PHF19: variants seen among roughly 807,000 people sequenced by gnomAD.
The protein encoded by PHF19 is polycomb like 3.
In PHF19, 21 loss-of-function variants were observed where a neutral mutation model predicts 79.8. The observed-to-expected ratio is 0.26, with a 90% CI of 0.19 to 0.38. The LOEUF (loss-of-function observed/expected upper bound fraction) is 0.38, where lower values mean the gene tolerates loss of function less well. Ranked by LOEUF, PHF19 falls within the 10% of genes least tolerant of loss-of-function variation. The pLI is 1.00. For synonymous variants in PHF19, 273 were observed against 296.3 expected (o/e 0.92, Z 0.81); for missense variants, 445 against 744.2 (o/e 0.60, Z 4.68).
chr9:120,868,498 C>G (rs2045774104), intron 6 of PHF19: 1 of 152,498 alleles, frequency 6.6e-6, no homozygotes, highest in African/African-American at 2.4e-5. Context: ...AGAGCTAGGA[C>G]GTGGACGTCC....
upstream of PHF19, among the ~76,000 whole-genome samples, chr9:120,899,603 A>T (rs1056085939): frequency 6.6e-6 from 1 of 152,148 alleles, no homozygotes; most frequent in East Asian, 1.9e-4. Flanking sequence ...CAACATGGTG[A>T]AGTTAGAATT....
intron 1 of PHF19, chr9:120,894,728 GCC>G: frequency 1.1e-6 from 1 of 939,922 alleles, no homozygotes; most frequent in Non-Finnish European, 1.4e-6. Flanking sequence ...CCACCCGGCC[GCC>G]CGCGGCTCCC....
At chr9:120,890,287 T>G (rs2046324464) in intron 1 of PHF19, among the ~76,000 whole-genome samples, 1 of 151,636 alleles carries the variant, frequency 6.6e-6, no homozygotes, top group African/African-American at 2.4e-5. Flanking sequence ...TTTTTTTTTT[T>G]TTTTTTTTCC....
At chr9:120,861,775 G>A (rs2045534228) in intron 12 of PHF19, 143 bp downstream of exon 12, 1 of 715,334 alleles carries the variant, frequency 1.4e-6, no homozygotes, top group Non-Finnish European at 2.5e-6. Flanking sequence ...TAGAGTGCCT[G>A]GCTTAGCTGT....
chr9:120,866,250 C>T lies in PHF19; in HGVS notation c.711-154G>A, dbSNP rs1312855618. On this transcript the variant is annotated intron_variant, in intron 7 of 14. Coordinates refer to ENST00000373896, the MANE Select transcript of PHF19 (RefSeq NM_015651.3). This position sits in a 1 kb window ranked among gnomAD's most constrained non-coding sequence, Gnocchi z 5.2. The stretch of plus-strand genomic sequence containing the variant: ...ACTGGGGGTCAAGGACAGGGCAGGA[C>T]AGGGACTAAGAGATACCCCATATTC... 1.3e-5 allele frequency among the ~76,000 whole-genome samples: 2 copies of T among 152,144 alleles called. No homozygotes were observed. The highest frequency in any genetic ancestry group is 2.9e-5 in the Non-Finnish European group (2 of 68,018).
upstream of PHF19, among the ~76,000 whole-genome samples, chr9:120,877,586 A>T (rs1443295329): frequency 1.3e-5 from 2 of 152,108 alleles, no homozygotes; most frequent in East Asian, 3.9e-4. Flanking sequence ...CTTGTTGAGG[A>T]AACACAGCTC....
chr9:120,865,956 G>A, intron 8 of PHF19, 72 bp downstream of exon 8: 2 of 1,565,706 alleles, frequency 1.3e-6, no homozygotes, highest in Non-Finnish European at 1.8e-6. Context: ...AAATGGAATT[G>A]TTCCAGGAGG....
rs936899304 is a variant in PHF19 at position 120,869,583 on chromosome 9, T to C, written c.466-253A>G. The C allele has an allele frequency of 4.2e-5, 61 of 1,467,694 alleles. 1 individual carries two copies. The South Asian group carries it at 8.3e-4, about 20-fold the overall frequency. The allele number at this position is 1,467,694 out of a possible 1,614,324, so 90.9% of individuals were successfully genotyped here. A position where few individuals can be genotyped will look rare whatever the true frequency, so the allele number is the denominator to read the frequency against. ...CAACAATTACCAACATGTATTTACA[T>C]GGATTTTCTTTTTTAATAGTAAAGC... On this transcript the variant is annotated intron_variant, in intron 5 of 14. Transcript: ENST00000373896. The surrounding 1 kb of genome is among the most constrained non-coding windows in gnomAD (Gnocchi z 5.8).
intron 1 of PHF19, chr9:120,876,035 C>G (rs556348308): frequency 6.5e-6 from 1 of 153,000 alleles, no homozygotes; most frequent in South Asian, 2.1e-4. Flanking sequence ...GTGCCTGTTT[C>G]TGTGTGGTGC....
chr9:120,880,015 G>A (rs1311524964), upstream of PHF19, among the ~76,000 whole-genome samples: 1 of 151,850 alleles, frequency 6.6e-6, no homozygotes, highest in African/African-American at 2.4e-5. Context: ...GGGGTGGGGG[G>A]TGAGGATGTC....
the PHF19 span, chr9:120,902,317 G>A: frequency 0.018 from 2,728 of 152,230 alleles, 33 homozygotes; most frequent in Non-Finnish European, 0.024. Flanking sequence ...TCCACCCAGT[G>A]AAACGGTGGC....
intron 6 of PHF19, among the ~76,000 whole-genome samples, chr9:120,867,662 G>A (rs1483665963): frequency 6.6e-6 from 1 of 152,216 alleles, no homozygotes; most frequent in African/African-American, 2.4e-5. Flanking sequence ...ATTAATGCAG[G>A]AAAGGTTTCC....
rs1387500308 is a variant in PHF19 at position 120,866,710 on chromosome 9, GAT to G, written c.710+158_710+159del. ...GCCTCCTGGCCCTGCATAGCTAGGG[GAT>G]CCCCTACCTTGAGCTGCCTCCAGTA... On this transcript the variant is annotated intron_variant, in intron 7 of 14. Transcript: ENST00000373896. This position sits in a 1 kb window ranked among gnomAD's most constrained non-coding sequence, Gnocchi z 5.2. Among the ~76,000 whole-genome samples, 1 of 152,202 alleles carries G rather than the reference GAT, an allele frequency of 6.6e-6. No individual in the cohort carries two copies. The highest frequency in any genetic ancestry group is 6.5e-5 in the Admixed American group (1 of 15,284).
chr9:120,879,665 G>T (rs927301603), upstream of PHF19, among the ~76,000 whole-genome samples: 1 of 152,160 alleles, frequency 6.6e-6, no homozygotes, highest in African/African-American at 2.4e-5. Context: ...AGAAAGGTAC[G>T]GTGTCACCAG....
intron 1 of PHF19, among the ~76,000 whole-genome samples, chr9:120,892,984 C>T (rs2046361765): frequency 6.6e-6 from 1 of 152,180 alleles, no homozygotes. Context: ...GCGACTGGGA[C>T]CTTAGCCAAG....
At chr9:120,880,608 A>G (rs949016014), upstream of PHF19, among the ~76,000 whole-genome samples, 10 of 152,236 alleles carry the variant, frequency 6.6e-5, no homozygotes, top group African/African-American at 2.4e-4. Context: ...CACCCTAGGA[A>G]AAAAACTAAC....
At chr9:120,886,581 T>C (rs960454209) in intron 1 of PHF19, among the ~76,000 whole-genome samples, 2 of 152,210 alleles carry the variant, frequency 1.3e-5, no homozygotes, top group Admixed American at 1.3e-4. Context: ...CATTTAGCCA[T>C]GCACTCCTGG....
the PHF19 span, chr9:120,903,623 T>A: frequency 0.45 from 68,080 of 152,284 alleles, 18,024 homozygotes; most frequent in South Asian, 0.69. Flanking sequence ...TCCTGACTTG[T>A]CTCAGGGTCT....
At chr9:120,898,166 G>A (rs1217180532), upstream of PHF19, among the ~76,000 whole-genome samples, 1 of 152,112 alleles carries the variant, frequency 6.6e-6, no homozygotes, top group African/African-American at 2.4e-5. Context: ...TCCCAGGCTG[G>A]AGTGCAATGG....
Sources: allele counts gnomAD v4.1 joint callset (sites outside exome capture counted in the v4.1 genomes callset), GRCh38; gene constraint gnomAD v4.1.1; non-coding constraint Gnocchi (gnomAD v3.1); transcripts MANE v1.5; gene names NCBI Gene and HGNC (gene_info 2026-07-23, HGNC 2026-07-21).